CACNA1C: variants seen among roughly 807,000 people sequenced by gnomAD.
CACNA1C encodes the protein voltage-dependent L-type calcium channel subunit alpha-1C.
A neutral mutation model predicts 229.0 loss-of-function variants in CACNA1C; 30 were observed. The observed-to-expected ratio is 0.13, with a 90% CI of 0.10 to 0.18. CACNA1C has a LOEUF of 0.18. Ranked by LOEUF, CACNA1C falls within the 10% of genes least tolerant of loss-of-function variation. CACNA1C has a pLI of 1.00. For missense variants in CACNA1C, 1,658 were observed against 2,845.0 expected, an observed-to-expected ratio of 0.58 and a Z score of 9.49; for synonymous variants, 1,114 against 1,132.5, an observed-to-expected ratio of 0.98 and a Z score of 0.33.
At chr12:2,113,036 C>T (rs1234422487) in intron 1 of CACNA1C, among the ~76,000 whole-genome samples, 2 of 151,806 alleles carry the variant, frequency 1.3e-5, no homozygotes. Flanking sequence ...GTCACTTAAA[C>T]ATCACAGTGT....
intron 3 of CACNA1C, among the ~76,000 whole-genome samples, chr12:2,129,102 G>T (rs1457866756): frequency 3.3e-5 from 5 of 152,178 alleles, no homozygotes; most frequent in African/African-American, 1.2e-4. Flanking sequence ...GAAGAATGGT[G>T]TTCCCGGGCT....
At chr12:2,230,299 G>A (rs761824742) in intron 3 of CACNA1C, among the ~76,000 whole-genome samples, 1 of 152,200 alleles carries the variant, frequency 6.6e-6, no homozygotes, top group Non-Finnish European at 1.5e-5. Flanking sequence ...GGCTGCGGCT[G>A]AGCCGCCAGG....
intron 38 of CACNA1C, among the ~76,000 whole-genome samples, chr12:2,672,790 T>G (rs2096622822): frequency 6.6e-6 from 1 of 152,224 alleles, no homozygotes; most frequent in Admixed American, 6.5e-5. Flanking sequence ...ACATGAATTT[T>G]GGGAGGACAC....
At chr12:2,386,312 T>C (rs1324531577) in intron 3 of CACNA1C, among the ~76,000 whole-genome samples, 1 of 152,146 alleles carries the variant, frequency 6.6e-6, no homozygotes, top group African/African-American at 2.4e-5. Context: ...CTCCTCCGGT[T>C]GATTCTGATG....
intron 10 of CACNA1C, among the ~76,000 whole-genome samples, chr12:2,554,435 C>G (rs1365221713): frequency 6.6e-6 from 1 of 152,224 alleles, no homozygotes; most frequent in Admixed American, 6.5e-5. Flanking sequence ...GGAACAACAA[C>G]AGTGGAGACA....
At chr12:2,255,137 G>A (rs1318380721) in intron 3 of CACNA1C, among the ~76,000 whole-genome samples, 1 of 151,476 alleles carries the variant, frequency 6.6e-6, no homozygotes, top group African/African-American at 2.4e-5. Context: ...TGTGACCTTG[G>A]GCAAGTCAGA....
chr12:2,637,572 C>A (rs750436222), intron 30 of CACNA1C, among the ~76,000 whole-genome samples: 7 of 152,246 alleles, frequency 4.6e-5, no homozygotes, highest in Non-Finnish European at 1.0e-4. Flanking sequence ...TGACCCTGGG[C>A]TCACATCGCA....
chr12:2,536,980 G>C (rs1011291002), intron 9 of CACNA1C, among the ~76,000 whole-genome samples: 3 of 152,208 alleles, frequency 2.0e-5, no homozygotes, highest in African/African-American at 7.2e-5. Flanking sequence ...AAGTGGCAGA[G>C]CCAGGATCCA....
At chr12:2,158,638 A>C (rs2095670310) in intron 3 of CACNA1C, among the ~76,000 whole-genome samples, 1 of 152,250 alleles carries the variant, frequency 6.6e-6, no homozygotes. Flanking sequence ...ATTGCCCTCA[A>C]AGTTCTGAAG....
intron 3 of CACNA1C, among the ~76,000 whole-genome samples, chr12:2,324,003 G>T (rs967706452): frequency 1.3e-5 from 2 of 152,192 alleles, no homozygotes; most frequent in African/African-American, 2.4e-5. Context: ...CAGGAGCCGG[G>T]TCTGTTTATC....
At chr12:2,378,681 G>T (rs114281416) in intron 3 of CACNA1C, among the ~76,000 whole-genome samples, 5 of 152,168 alleles carry the variant, frequency 3.3e-5, no homozygotes, top group Admixed American at 6.5e-5. Context: ...TACTCCCCGT[G>T]GGGGAAGAGT....
At chr12:2,076,986 G>A (rs1431959028) in intron 1 of CACNA1C, among the ~76,000 whole-genome samples, 5 of 152,236 alleles carry the variant, frequency 3.3e-5, no homozygotes, top group Admixed American at 6.5e-5. Context: ...TGGAGCGGAC[G>A]CCATGCTGGG....
At position 2,348,705 on chromosome 12, in the gene CACNA1C, C is replaced by T. The variant is rs981860214; in HGVS notation, c.478-100271C>T. Among the ~76,000 whole-genome samples, 7 of 152,042 alleles carry T rather than the reference C, an allele frequency of 4.6e-5. No homozygotes were observed. The highest frequency in any genetic ancestry group is 1.2e-4 in the African/African-American group (5 of 41,490). On this transcript the variant is annotated intron_variant, in intron 3 of 46. Coordinates refer to ENST00000399655, the MANE Select transcript of CACNA1C (RefSeq NM_000719.7). This position sits in a 1 kb window ranked among gnomAD's most constrained non-coding sequence, Gnocchi z 4.7. Reference sequence around the variant, plus strand: ...TCCCAGAGGGACCCAGAGTGTGGGGCGCCCTGGAGAAGGAGCTGGGAATGT... The same window carrying T: ...TCCCAGAGGGACCCAGAGTGTGGGGTGCCCTGGAGAAGGAGCTGGGAATGT...
At chr12:2,312,852 C>G (rs2095507283) in intron 3 of CACNA1C, among the ~76,000 whole-genome samples, 1 of 152,088 alleles carries the variant, frequency 6.6e-6, no homozygotes, top group South Asian at 2.1e-4. Context: ...GCAAGGGCTC[C>G]CCAGTCCTGA....
At position 2,678,431 on chromosome 12, in the gene CACNA1C, G is replaced by A. The variant is rs148464111; in HGVS notation, c.5091+564G>A. Among the ~76,000 whole-genome samples, 2 of 152,284 alleles carry A rather than the reference G, an allele frequency of 1.3e-5. No homozygotes were observed. Among genetic ancestry groups the A allele is most frequent in the African/African-American group, 4.8e-5 (2 of 41,554 alleles). On this transcript the variant is annotated intron_variant, in intron 41 of 46. Coordinates refer to ENST00000399655, the MANE Select transcript of CACNA1C (RefSeq NM_000719.7). The surrounding 1 kb of genome is among the most constrained non-coding windows in gnomAD (Gnocchi z 4.1). ...TGGAGACTGAAGCTGCCCAGCAGTT[G>A]CAATAGTGAAAATTAAAACGGCTGT...
At chr12:2,395,703 A>G (rs1367554816) in intron 3 of CACNA1C, among the ~76,000 whole-genome samples, 1 of 152,108 alleles carries the variant, frequency 6.6e-6, no homozygotes, top group African/African-American at 2.4e-5. Context: ...TTCCAGTCTG[A>G]GGCTTCCCAT....
intron 3 of CACNA1C, among the ~76,000 whole-genome samples, chr12:2,409,437 A>C (rs181107535): frequency 6.6e-6 from 1 of 152,286 alleles, no homozygotes; most frequent in African/African-American, 2.4e-5. Flanking sequence ...TCAGACCAGG[A>C]GGTTGAGAAT....
chr12:2,056,673 G>A (rs1047332456), intron 1 of CACNA1C, among the ~76,000 whole-genome samples: 5 of 152,168 alleles, frequency 3.3e-5, no homozygotes, highest in African/African-American at 1.2e-4. Context: ...TCGCACATCA[G>A]CTTGAGCAGG....
intron 3 of CACNA1C, among the ~76,000 whole-genome samples, chr12:2,271,948 G>C (rs1006143805): frequency 1.3e-5 from 2 of 152,168 alleles, no homozygotes; most frequent in African/African-American, 4.8e-5. Flanking sequence ...TGCATGCCAT[G>C]TGCCATGCAA....
Sources: gnomAD v4.1 joint callset for allele counts (sites outside exome capture counted in the v4.1 genomes callset) on GRCh38, gnomAD v4.1.1 for gene constraint, Gnocchi (gnomAD v3.1) non-coding constraint, MANE v1.5 for transcripts, NCBI Gene and HGNC (gene_info 2026-07-23, HGNC 2026-07-21) for gene names.